PRKG1: variants seen among roughly 807,000 people sequenced by gnomAD.
PRKG1 encodes cGMP-dependent protein kinase 1.
A neutral mutation model predicts 88.1 loss-of-function variants in PRKG1; 35 were observed. The observed-to-expected ratio is 0.40, with a 90% CI of 0.30 to 0.53. The LOEUF (loss-of-function observed/expected upper bound fraction) is 0.53. Among genes scored for constraint, PRKG1 ranks in the 20% least tolerant of loss-of-function variants. The pLI is 0.59. For synonymous variants in PRKG1, 303 were observed against 292.5 expected (o/e 1.04, Z -0.37); for missense variants, 540 against 839.8 (o/e 0.64, Z 4.41).
In PRKG1 at chr10:51,190,492, C is replaced by T. The variant is rs1837604081; in HGVS notation, c.478+37162C>T. ...GTATGGACTAAATGTGAATAAACAACTCATAGGGCCAGTGAGAGACATGGT... is the reference window on the plus strand; with the variant it reads ...GTATGGACTAAATGTGAATAAACAATTCATAGGGCCAGTGAGAGACATGGT... On this transcript the variant is annotated intron_variant, in intron 2 of 17. Coordinates refer to ENST00000373980, the MANE Select transcript of PRKG1 (RefSeq NM_006258.4). 2.0e-5 allele frequency among the ~76,000 whole-genome samples: 3 copies of T among 151,754 alleles called. No individual in the cohort carries two copies. In the South Asian group the frequency reaches 6.2e-4, roughly 31 times the overall value.
At chr10:51,756,758 T>C (rs1434830825) in intron 3 of PRKG1, among the ~76,000 whole-genome samples, 4 of 151,758 alleles carry the variant, frequency 2.6e-5, no homozygotes, top group Admixed American at 6.6e-5. Context: ...GAGCTTGCAG[T>C]GAGCTGAGAT....
At chr10:51,001,247 G>A (rs909163951) in intron 1 of PRKG1, among the ~76,000 whole-genome samples, 7 of 152,180 alleles carry the variant, frequency 4.6e-5, no homozygotes, top group South Asian at 2.1e-4. Context: ...CTCACTTCCC[G>A]TACTGTCTCC....
chr10:51,659,743 A>T (rs1259037505), intron 3 of PRKG1, among the ~76,000 whole-genome samples: 2 of 152,132 alleles, frequency 1.3e-5, no homozygotes, highest in Non-Finnish European at 2.9e-5. Flanking sequence ...TTGCAAATGC[A>T]AACTTGCTAG....
At chr10:51,440,392 T>C (rs1004678387) in intron 2 of PRKG1, among the ~76,000 whole-genome samples, 7 of 151,922 alleles carry the variant, frequency 4.6e-5, no homozygotes, top group African/African-American at 1.4e-4. Flanking sequence ...TTTGTAATTA[T>C]ATCTTTGGAA....
chr10:52,201,651 C>T (rs1453186112), intron 9 of PRKG1, among the ~76,000 whole-genome samples: 2 of 152,038 alleles, frequency 1.3e-5, no homozygotes, highest in Admixed American at 1.3e-4. Context: ...GCAGTATGGC[C>T]ATTTTAATAA....
chr10:52,055,983 G>T (rs1375763522), intron 6 of PRKG1, among the ~76,000 whole-genome samples: 1 of 151,954 alleles, frequency 6.6e-6, no homozygotes, highest in Non-Finnish European at 1.5e-5. Flanking sequence ...TACACCAGTG[G>T]CATGTCACAC....
chr10:51,258,776 T>C (rs1011013455), intron 2 of PRKG1, among the ~76,000 whole-genome samples: 1 of 152,244 alleles, frequency 6.6e-6, no homozygotes, highest in African/African-American at 2.4e-5. Flanking sequence ...TCATGATTCT[T>C]ATTACAAATC....
chr10:52,035,445 G>A, intron 5 of PRKG1, among the ~76,000 whole-genome samples: 1 of 152,192 alleles, frequency 6.6e-6, no homozygotes, highest in Non-Finnish European at 1.5e-5. Flanking sequence ...AGGCAGGCTA[G>A]TGGCTTGTAC....
chr10:52,166,839 G>GTATATATATATATA (rs375678645), intron 9 of PRKG1, among the ~76,000 whole-genome samples: 2 of 90,478 alleles, frequency 2.2e-5, no homozygotes, highest in Admixed American at 1.2e-4. Context: ...GTATATATAT[G>GTATATATATATATA]TATATATATG....
chr10:51,210,368 G>T (rs1028262425), intron 2 of PRKG1, among the ~76,000 whole-genome samples: 4 of 152,074 alleles, frequency 2.6e-5, no homozygotes, highest in Admixed American at 2.6e-4. Context: ...AAGCAGGAAA[G>T]ATCTAAAATT....
chr10:52,046,233 C>A (rs1219641954), intron 5 of PRKG1, among the ~76,000 whole-genome samples: 7 of 152,002 alleles, frequency 4.6e-5, no homozygotes, highest in Non-Finnish European at 8.8e-5. Flanking sequence ...AAATTCATTT[C>A]TATTTTATGA....
intron 2 of PRKG1, among the ~76,000 whole-genome samples, chr10:51,266,172 TG>T (rs1180167381): frequency 1.3e-5 from 2 of 152,106 alleles, no homozygotes; most frequent in Non-Finnish European, 2.9e-5. Flanking sequence ...GGAAGTTGGT[TG>T]GGGTCCTGAG....
At chr10:51,863,319 A>G (rs377257506) in intron 4 of PRKG1, among the ~76,000 whole-genome samples, 18 of 152,322 alleles carry the variant, frequency 1.2e-4, no homozygotes, top group African/African-American at 4.1e-4. Flanking sequence ...AGCAATCTCT[A>G]TCTTGACAGT....
intron 3 of PRKG1, among the ~76,000 whole-genome samples, chr10:51,734,801 G>T (rs970269622): frequency 3.3e-5 from 5 of 152,208 alleles, no homozygotes; most frequent in Admixed American, 2.6e-4. Context: ...TAATTTAAAA[G>T]GAGGAAAGAA....
chr10:51,258,146 G>A (rs1465459230), intron 2 of PRKG1, among the ~76,000 whole-genome samples: 1 of 152,096 alleles, frequency 6.6e-6, no homozygotes, highest in Non-Finnish European at 1.5e-5. Flanking sequence ...TGACTTCTGT[G>A]TAAGGCTTCT....
At chr10:51,958,583 A>ATT (rs201531189) in intron 5 of PRKG1, among the ~76,000 whole-genome samples, 35 of 99,730 alleles carry the variant, frequency 3.5e-4, no homozygotes, top group African/African-American at 7.1e-4. Context: ...TCTACAGAGT[A>ATT]TTTTTTTTTT....
At chr10:51,429,582 G>T (rs989180545) in intron 2 of PRKG1, among the ~76,000 whole-genome samples, 40 of 152,182 alleles carry the variant, frequency 2.6e-4, no homozygotes, top group East Asian at 9.6e-4. Flanking sequence ...CATGTTTAAA[G>T]AATTAAAGTA....
intron 4 of PRKG1, among the ~76,000 whole-genome samples, chr10:51,890,831 C>G (rs1254246070): frequency 6.6e-6 from 1 of 152,098 alleles, no homozygotes; most frequent in Non-Finnish European, 1.5e-5. Context: ...TGGTGCACAC[C>G]AGTAATCCCA....
chr10:51,212,013 T>C (rs1051921560), intron 2 of PRKG1, among the ~76,000 whole-genome samples: 1 of 152,096 alleles, frequency 6.6e-6, no homozygotes, highest in Non-Finnish European at 1.5e-5. Context: ...GCCAAGTCAA[T>C]CCTAAGCCAA....
Sources: gnomAD v4.1 joint callset for allele counts (sites outside exome capture counted in the v4.1 genomes callset) on GRCh38, gnomAD v4.1.1 for gene constraint, MANE v1.5 for transcripts, NCBI Gene and HGNC (gene_info 2026-07-23, HGNC 2026-07-21) for gene names.